Variants in GRID1 observed in about 807,000 individuals in gnomAD.
GRID1 encodes glutamate receptor ionotropic, delta-1.
Under a neutral mutation model 98.0 loss-of-function variants are expected in GRID1, and 28 were observed. The ratio of observed to expected loss-of-function variants is 0.29; its 90% CI spans 0.21 to 0.39. The LOEUF (loss-of-function observed/expected upper bound fraction) is 0.39, where lower values mean the gene tolerates loss of function less well. Among genes scored for constraint, GRID1 ranks in the 10% least tolerant of loss-of-function variants. GRID1 has a pLI of 1.00. For synonymous variants in GRID1, 553 were observed against 538.5 expected, an observed-to-expected ratio of 1.03 and a Z score of -0.37; for missense variants, 1,111 against 1,340.5, an observed-to-expected ratio of 0.83 and a Z score of 2.67.
chr10:86,263,117 G>C (rs1182944912), intron 2 of GRID1, among the ~76,000 whole-genome samples: 1 of 152,234 alleles, frequency 6.6e-6, no homozygotes. Flanking sequence ...CTTGTTCTTC[G>C]AGGCAGAGCC....
At chr10:85,714,058 G>A (rs186009015) in intron 12 of GRID1, among the ~76,000 whole-genome samples, 393 of 152,004 alleles carry the variant, frequency 2.6e-3, no homozygotes, top group Non-Finnish European at 4.7e-3. Flanking sequence ...TATACACCAC[G>A]GAATACTATG....
chr10:86,153,569 G>C (rs1210615522), intron 3 of GRID1, among the ~76,000 whole-genome samples: 1 of 152,242 alleles, frequency 6.6e-6, no homozygotes, highest in East Asian at 1.9e-4. Flanking sequence ...TCCATGTCTA[G>C]GGACATCATG....
At chr10:86,111,452 A>G (rs1356826534) in intron 4 of GRID1, among the ~76,000 whole-genome samples, 1 of 152,098 alleles carries the variant, frequency 6.6e-6, no homozygotes, top group Non-Finnish European at 1.5e-5. Flanking sequence ...ACACAACATG[A>G]TTTTGCCCCA....
intron 8 of GRID1, among the ~76,000 whole-genome samples, chr10:85,816,553 A>C (rs1014829114): frequency 6.6e-6 from 1 of 152,198 alleles, no homozygotes; most frequent in Non-Finnish European, 1.5e-5. Context: ...AAGAAGCCAC[A>C]CAAGACAATT....
intron 8 of GRID1, among the ~76,000 whole-genome samples, chr10:85,796,277 G>A (rs913758496): frequency 1.3e-5 from 2 of 152,200 alleles, no homozygotes; most frequent in Non-Finnish European, 2.9e-5. Context: ...ATAATCAACT[G>A]TAAGCCAAAG....
At chr10:86,109,224 G>A (rs144269156) in intron 4 of GRID1, among the ~76,000 whole-genome samples, 6 of 152,310 alleles carry the variant, frequency 3.9e-5, no homozygotes, top group South Asian at 2.1e-4. Flanking sequence ...TAACTCCAGC[G>A]AGGGCCTCAG....
chr10:85,726,946 A>C (rs1433460443), intron 10 of GRID1, among the ~76,000 whole-genome samples: 1 of 152,244 alleles, frequency 6.6e-6, no homozygotes, highest in East Asian at 1.9e-4. Context: ...TGTTTCTGAA[A>C]AAGATTAATA....
intron 8 of GRID1, among the ~76,000 whole-genome samples, chr10:85,773,442 C>T (rs1454249203): frequency 6.6e-6 from 1 of 152,070 alleles, no homozygotes; most frequent in African/African-American, 2.4e-5. Flanking sequence ...CTCACCACTC[C>T]TATTCAACAT....
chr10:86,282,019 C>T (rs1847364325), intron 2 of GRID1, among the ~76,000 whole-genome samples: 1 of 152,224 alleles, frequency 6.6e-6, no homozygotes, highest in Admixed American at 6.5e-5. Flanking sequence ...CAGACACTGG[C>T]ATCCAGTCAT....
At chr10:86,030,398 C>T (rs971360456) in intron 4 of GRID1, among the ~76,000 whole-genome samples, 1 of 152,206 alleles carries the variant, frequency 6.6e-6, no homozygotes, top group South Asian at 2.1e-4. Context: ...AAATCCAATA[C>T]CATTTATCCT....
At chr10:85,626,210 C>G (rs1033095618) in intron 13 of GRID1, among the ~76,000 whole-genome samples, 1 of 152,160 alleles carries the variant, frequency 6.6e-6, no homozygotes, top group South Asian at 2.1e-4. Context: ...AGATTCCACC[C>G]CATTTACAGA....
At chr10:86,053,803 T>C (rs191857285) in intron 4 of GRID1, among the ~76,000 whole-genome samples, 1 of 152,300 alleles carries the variant, frequency 6.6e-6, no homozygotes, top group Non-Finnish European at 1.5e-5. Context: ...CCCCCATCCC[T>C]ACACAGACAC....
intron 3 of GRID1, among the ~76,000 whole-genome samples, chr10:86,204,886 C>T: frequency 6.6e-6 from 1 of 151,784 alleles, no homozygotes; most frequent in East Asian, 1.9e-4. Context: ...AGCCACCAGC[C>T]CCAAGGGTTC....
chr10:85,794,697 C>A (rs934988590), intron 8 of GRID1, among the ~76,000 whole-genome samples: 1 of 152,172 alleles, frequency 6.6e-6, no homozygotes, highest in African/African-American at 2.4e-5. Context: ...CCAGTGCCTG[C>A]GGTGCAGCCA....
At position 85,812,869 on chromosome 10, in the gene GRID1, C is replaced by T. The variant is rs1056410205; in HGVS notation, c.1233+41627G>A. On this transcript the variant is annotated intron_variant, in intron 8 of 15. Transcript: ENST00000327946. Reference sequence around the variant, plus strand: ...TGTGTGTATATTATATATATATACACACACATATGTGTGTATATATATATT... The same window carrying T: ...TGTGTGTATATTATATATATATACATACACATATGTGTGTATATATATATT... Among the ~76,000 whole-genome samples, 4 of 151,582 alleles carry T rather than the reference C, an allele frequency of 2.6e-5. No individual in the cohort carries two copies. The South Asian group carries it at 6.2e-4, about 24-fold the overall frequency.
chr10:85,801,101 T>A (rs1371277993), intron 8 of GRID1, among the ~76,000 whole-genome samples: 1 of 152,020 alleles, frequency 6.6e-6, no homozygotes, highest in Admixed American at 6.6e-5. Flanking sequence ...GAGTAAAAAC[T>A]AAAATATGAG....
At chr10:85,962,460 G>T (rs1284011346) in intron 4 of GRID1, among the ~76,000 whole-genome samples, 1 of 152,202 alleles carries the variant, frequency 6.6e-6, no homozygotes, top group African/African-American at 2.4e-5. Context: ...CTGTCCAAAA[G>T]CTCCACTTGA....
intron 4 of GRID1, among the ~76,000 whole-genome samples, chr10:86,130,095 A>G (rs1844812013): frequency 6.6e-6 from 1 of 152,362 alleles, no homozygotes; most frequent in Middle Eastern, 3.4e-3. Context: ...GCCCAGATGC[A>G]TGAGCCAGCC....
intron 8 of GRID1, among the ~76,000 whole-genome samples, chr10:85,769,582 G>C (rs986103811): frequency 6.6e-6 from 1 of 152,210 alleles, no homozygotes; most frequent in African/African-American, 2.4e-5. Context: ...AAAGAAAGGG[G>C]TAACAGACGG....
Sources: allele counts gnomAD v4.1 joint callset (sites outside exome capture counted in the v4.1 genomes callset), GRCh38; gene constraint gnomAD v4.1.1; transcripts MANE v1.5; gene names NCBI Gene and HGNC (gene_info 2026-07-23, HGNC 2026-07-21).